DOT1L: variants seen among roughly 807,000 people sequenced by gnomAD.
The protein encoded by DOT1L is DOT1 like histone lysine methyltransferase.
A neutral mutation model predicts 153.3 loss-of-function variants in DOT1L; 33 were observed. The observed-to-expected ratio is 0.22, with a 90% CI of 0.16 to 0.29. The LOEUF is 0.29. Among genes scored for constraint, DOT1L ranks in the 10% least tolerant of loss-of-function variants. The pLI, the probability that DOT1L is intolerant of heterozygous loss-of-function variation, is 1.00. For missense variants in DOT1L, 1,847 were observed against 2,119.9 expected (o/e 0.87, Z 2.53); for synonymous variants, 1,135 against 965.1 (o/e 1.18, Z -3.26).
At chr19:2,176,475 G>A (rs1026091075) in intron 1 of DOT1L, among the ~76,000 whole-genome samples, 3 of 152,260 alleles carry the variant, frequency 2.0e-5, no homozygotes, top group South Asian at 2.1e-4. Context: ...CACTTACGTG[G>A]CCCCCAAAAT....
intron 7 of DOT1L, among the ~76,000 whole-genome samples, chr19:2,195,378 C>T (rs988707915): frequency 2.0e-5 from 3 of 152,150 alleles, no homozygotes; most frequent in Non-Finnish European, 2.9e-5. Flanking sequence ...ACAGTCCCAG[C>T]TGCTCAGGCG....
Position 2,208,161 on chromosome 19 carries a change from G to GCGGC in DOT1L, c.963+483_963+486dup, listed in dbSNP as rs1339757279. ...CTCTGACACAGCCCTGGGCCAGTGT[G>GCGGC]CGGCCTGCCTGCCTCCCACGGTGCT... On this transcript the variant is annotated intron_variant, in intron 11 of 27. Transcript: ENST00000398665. This position sits in a 1 kb window ranked among gnomAD's most constrained non-coding sequence, Gnocchi z 4.4. Among the ~76,000 whole-genome samples the GCGGC allele has an allele frequency of 2.6e-5, 4 of 152,072 alleles. No individual in the cohort carries two copies. The highest frequency in any genetic ancestry group is 2.9e-5 in the Non-Finnish European group (2 of 67,972).
At chr19:2,192,529 T>A (rs1401695873) in intron 5 of DOT1L, among the ~76,000 whole-genome samples, 1 of 151,788 alleles carries the variant, frequency 6.6e-6, no homozygotes, top group African/African-American at 2.4e-5. Context: ...AAAAATCAGT[T>A]GGGTGTGGTG....
intron 7 of DOT1L, among the ~76,000 whole-genome samples, chr19:2,196,852 G>C (rs532863371): frequency 7.0e-4 from 106 of 152,308 alleles, no homozygotes; most frequent in Non-Finnish European, 1.5e-5. Flanking sequence ...CGGTGTTAGC[G>C]GCGGGCTCGT....
rs2024565298 is a variant in DOT1L, at chr19:2,230,756, C to T, written c.*964C>T. On this transcript the variant is annotated 3_prime_UTR_variant, in exon 28 of 28. Coordinates refer to ENST00000398665, the MANE Select transcript of DOT1L (RefSeq NM_032482.3). ...GGAAAGAAAAGCGAGGGGAAAAAAC[C>T]TTATTTATTCAAACAGTGCACAAAA... 5.0e-6 allele frequency: 2 copies of T among 397,000 alleles called. No homozygotes were observed. The highest frequency in any genetic ancestry group is 4.4e-5 in the Admixed American group (1 of 22,696). 24.6% of individuals were successfully genotyped at this position (397,000 alleles called of 1,614,324 possible). A position where few individuals can be genotyped will look rare whatever the true frequency, so the allele number is the denominator to read the frequency against.
At position 2,222,808 on chromosome 19, in the gene DOT1L, C is replaced by T. The variant is rs191145607; in HGVS notation, c.3390+249C>T. The T allele has an allele frequency of 8.9e-4, 436 of 488,336 alleles. 2 individuals are homozygous for T. The highest frequency in any genetic ancestry group is 7.2e-3 in the African/African-American group (365 of 50,804). 30.3% of individuals were successfully genotyped at this position (488,336 alleles called of 1,614,324 possible). A position where few individuals can be genotyped will look rare whatever the true frequency, so the allele number is the denominator to read the frequency against. On this transcript the variant is annotated intron_variant, in intron 24 of 27. Coordinates refer to ENST00000398665, the MANE Select transcript of DOT1L (RefSeq NM_032482.3). The surrounding 1 kb of genome is among the most constrained non-coding windows in gnomAD (Gnocchi z 6.5). ...CTGAGGCAGGAGAATGATGTGAACC[C>T]GGGAGGCGGGGCTTGCAGTGAACTG...
intron 2 of DOT1L, 58 bp downstream of exon 2, chr19:2,180,814 C>T: frequency 3.8e-6 from 6 of 1,599,082 alleles, no homozygotes; most frequent in Non-Finnish European, 5.1e-6. Context: ...TCCGTGGACA[C>T]CCGTGCCCTG....
intron 2 of DOT1L, among the ~76,000 whole-genome samples, chr19:2,183,590 C>T (rs578130447): frequency 6.6e-6 from 1 of 150,890 alleles, no homozygotes; most frequent in Non-Finnish European, 1.5e-5. Context: ...GGGAAAGGGG[C>T]GTTTAAACAG....
chr19:2,199,907 A>C lies in DOT1L; in HGVS notation c.675A>C (p.Ser225=). The change falls in exon 8 of 28, where the codon TCA becomes TCC. Residue 225 remains serine, a synonymous_variant. Coordinates refer to ENST00000398665, the MANE Select transcript of DOT1L (RefSeq NM_032482.3). ...EYTLERGDFL[S]EEWRERIANT... is the part of the protein sequence containing the mutation. ...AGTTGGAGAGAGGCGATTTCCTCTC[A>C]GAAGAGTGGAGGGAGCGAATCGCCA... is the stretch of plus-strand genomic sequence containing the variant. The C allele has an allele frequency of 1.2e-6, 2 of 1,613,958 alleles. No individual in the cohort carries two copies. The highest frequency in any genetic ancestry group is 1.7e-6 in the Non-Finnish European group (2 of 1,179,878).
At chr19:2,171,272 C>A (rs1040138605) in intron 1 of DOT1L, among the ~76,000 whole-genome samples, 1 of 152,144 alleles carries the variant, frequency 6.6e-6, no homozygotes, top group Non-Finnish European at 1.5e-5. Flanking sequence ...GGAAGGACTG[C>A]GAGAATGCTG....
Position 2,225,278 on chromosome 19 carries a change from G to C in DOT1L, c.3597-110G>C, listed in dbSNP as rs1475778544. 8.3e-6 allele frequency: 9 copies of C among 1,089,560 alleles called. No homozygotes were observed. The East Asian group carries it at 2.2e-4, about 27-fold the overall frequency. 67.5% of individuals were successfully genotyped at this position (1,089,560 alleles called of 1,614,324 possible). ...CACGGGTCCCCTGTCTGGGCCGAGTGCTTCTCGTTCACCACCTCCGGAGCT... is the reference window on the plus strand; with the variant it reads ...CACGGGTCCCCTGTCTGGGCCGAGTCCTTCTCGTTCACCACCTCCGGAGCT... On this transcript the variant is annotated intron_variant, in intron 25 of 27. Transcript: ENST00000398665.
In DOT1L at chr19:2,194,385, A is replaced by G. The variant is rs2022927803; in HGVS notation, c.589-130A>G. Reference sequence around the variant, plus strand: ...ACGGGGTTTCACCGTGTTAGCCAGGATGGTCGCAATCTCCTGACCTCATGA... The same window carrying G: ...ACGGGGTTTCACCGTGTTAGCCAGGGTGGTCGCAATCTCCTGACCTCATGA... On this transcript the variant is annotated intron_variant, in intron 6 of 27. Transcript: ENST00000398665. The G allele has an allele frequency of 4.3e-6, 4 of 926,940 alleles. No homozygotes were observed. The South Asian group carries it at 5.9e-5, about 14-fold the overall frequency. 57.4% of individuals were successfully genotyped at this position (926,940 alleles called of 1,614,324 possible).
intron 7 of DOT1L, among the ~76,000 whole-genome samples, chr19:2,195,794 C>T (rs974371283): frequency 2.6e-5 from 4 of 152,204 alleles, no homozygotes; most frequent in Admixed American, 6.5e-5. Context: ...GTGCCTGCGA[C>T]GACCCAGTTC....
intron 23 of DOT1L, chr19:2,221,627 T>G (rs1355312707): frequency 2.8e-5 from 9 of 323,648 alleles, no homozygotes; most frequent in Non-Finnish European, 5.1e-5. Context: ...GCTTTCCTCA[T>G]GGTGTCTCTG....
intron 1 of DOT1L, among the ~76,000 whole-genome samples, chr19:2,178,682 G>A (rs1308574848): frequency 6.6e-6 from 1 of 151,952 alleles, no homozygotes; most frequent in Non-Finnish European, 1.5e-5. Context: ...TGGCCTCCCA[G>A]AGTGCTGGGA....
intron 1 of DOT1L, among the ~76,000 whole-genome samples, chr19:2,178,104 G>A (rs971495520): frequency 3.7e-5 from 5 of 136,584 alleles, no homozygotes; most frequent in African/African-American, 1.1e-4. Context: ...TTTTTTTTTT[G>A]TATTTTTCAT....
In DOT1L at chr19:2,222,185, C is replaced by G; in HGVS notation, c.3016C>G (p.Leu1006Val). ...NSLPASPAHQ[L>V]SSSPRLGGAA... ...GCTTCCTGCCTCTCCCGCCCACCAG[C>G]TCTCCTCCAGTCCCCGGCTTGGTGG... Residue 1006 changes from leucine (L) to valine (V), a missense_variant, in exon 24 of 28, where the codon CTC becomes GTC. Leu to Val is a conservative substitution (Grantham distance 32, BLOSUM62 1). Coordinates refer to ENST00000398665, the MANE Select transcript of DOT1L (RefSeq NM_032482.3). The surrounding 1 kb of genome is among the most constrained non-coding windows in gnomAD (Gnocchi z 6.5). The G allele has an allele frequency of 6.2e-7, 1 of 1,613,146 alleles. No individual in the cohort carries two copies. The highest frequency in any genetic ancestry group is 8.5e-7 in the Non-Finnish European group (1 of 1,179,854).
At chr19:2,164,634 G>A (rs1484929671) in intron 1 of DOT1L, among the ~76,000 whole-genome samples, 1 of 141,134 alleles carries the variant, frequency 7.1e-6, no homozygotes, top group Non-Finnish European at 1.5e-5. Context: ...TGTGTCCGCC[G>A]CCTTATTTTT....
intron 1 of DOT1L, among the ~76,000 whole-genome samples, chr19:2,179,285 G>T (rs371814715): frequency 6.6e-6 from 1 of 152,170 alleles, no homozygotes; most frequent in African/African-American, 2.4e-5. Context: ...CTTGTGTTTC[G>T]TCAGGTGGTG....
Sources: allele counts gnomAD v4.1 joint callset (sites outside exome capture counted in the v4.1 genomes callset), GRCh38; gene constraint gnomAD v4.1.1; non-coding constraint Gnocchi (gnomAD v3.1); transcripts MANE v1.5; gene names NCBI Gene and HGNC (gene_info 2026-07-23, HGNC 2026-07-21).